MSTO1: variants seen among roughly 807,000 people sequenced by gnomAD.
MSTO1 encodes the protein protein misato homolog 1.
In MSTO1, 24 loss-of-function variants were observed where a neutral mutation model predicts 55.7. The ratio of observed to expected loss-of-function variants is 0.43; its 90% CI spans 0.31 to 0.61. The LOEUF is 0.61. Ranked by LOEUF, MSTO1 falls within the 20% of genes least tolerant of loss-of-function variation. The pLI is 0.09. For missense variants in MSTO1, 363 were observed against 625.7 expected, an observed-to-expected ratio of 0.58 and a Z score of 4.48; for synonymous variants, 162 against 252.8, an observed-to-expected ratio of 0.64 and a Z score of 3.41.
At chr1:155,585,918 G>T in the MSTO1 span, among the ~76,000 whole-genome samples, 7 of 151,776 alleles carry the variant, frequency 4.6e-5, no homozygotes, top group African/African-American at 1.7e-4. Flanking sequence ...AATAATCAAT[G>T]AAGTTTTTTG....
the MSTO1 span, among the ~76,000 whole-genome samples, chr1:155,587,529 G>T: frequency 6.7e-6 from 1 of 149,000 alleles, no homozygotes. Flanking sequence ...GGATCACGAG[G>T]TCAGGAGATC....
At chr1:155,568,698 A>C in the MSTO1 span, among the ~76,000 whole-genome samples, 2,490 of 152,128 alleles carry the variant, frequency 0.016, 35 homozygotes, top group Non-Finnish European at 0.026. Context: ...TCAGTCTCCC[A>C]AAGTGCTGGG....
the MSTO1 span, among the ~76,000 whole-genome samples, chr1:155,579,769 C>G: frequency 2.0e-5 from 3 of 152,098 alleles, no homozygotes; most frequent in Admixed American, 6.6e-5. Flanking sequence ...TGAACGAGTT[C>G]AATCCTTAGA....
the MSTO1 span, among the ~76,000 whole-genome samples, chr1:155,574,146 C>G: frequency 2.0e-5 from 3 of 151,736 alleles, no homozygotes; most frequent in African/African-American, 7.3e-5. Flanking sequence ...TCGCTTGAGC[C>G]CAGGAGTTGA....
the MSTO1 span, among the ~76,000 whole-genome samples, chr1:155,601,294 C>T: frequency 6.0e-5 from 9 of 151,260 alleles, no homozygotes; most frequent in Non-Finnish European, 1.0e-4. Context: ...CCACCACGCC[C>T]GGCTATTTTT....
the MSTO1 span, chr1:155,590,858 C>G: frequency 1.2e-6 from 2 of 1,610,560 alleles, no homozygotes; most frequent in Non-Finnish European, 1.7e-6. Flanking sequence ...GTCCAGCAAA[C>G]GGGGATTAGT....
At chr1:155,584,932 G>C in the MSTO1 span, among the ~76,000 whole-genome samples, 1 of 150,406 alleles carries the variant, frequency 6.6e-6, no homozygotes, top group African/African-American at 2.4e-5. Context: ...TTGTTTGTTT[G>C]TTTGTTTGTT....
In MSTO1 at chr1:155,614,143, C is replaced by T; in HGVS notation, c.1583C>T (p.Thr528Ile). The change falls in exon 14 of 14, where the codon ACC becomes ATC. Residue 528 changes from threonine (T) to isoleucine (I), a missense_variant. Physicochemically the swap from Thr to Ile is moderately conservative, Grantham distance 89 (BLOSUM62 -1). Transcript: ENST00000245564. ...QTLEALARDL[T>I]KLDLRRWASF... Reference sequence around the variant, plus strand: ...CTGGAAGCCTTGGCCAGAGACCTCACCAAACTCGACTTGCGGCGCTGGGCC... The same window carrying T: ...CTGGAAGCCTTGGCCAGAGACCTCATCAAACTCGACTTGCGGCGCTGGGCC... 6.8e-7 allele frequency: 1 copy of T among 1,475,144 alleles called. No homozygotes were observed. The highest frequency in any genetic ancestry group is 9.3e-7 in the Non-Finnish European group (1 of 1,074,634). The allele number at this position is 1,475,144 out of a possible 1,614,324, so 91.4% of individuals were successfully genotyped here. A position where few individuals can be genotyped will look rare whatever the true frequency, so the allele number is the denominator to read the frequency against.
At chr1:155,568,089 A>AT in the MSTO1 span, among the ~76,000 whole-genome samples, 9 of 148,032 alleles carry the variant, frequency 6.1e-5, no homozygotes, top group Non-Finnish European at 1.3e-4. Flanking sequence ...ATTTTATTTT[A>AT]TTTTTTTTGA....
At chr1:155,605,212 G>T (rs141701963), upstream of MSTO1, among the ~76,000 whole-genome samples, 3,094 of 152,290 alleles carry the variant, frequency 0.02, 105 homozygotes, top group African/African-American at 0.071. Flanking sequence ...AGTGAGCTGA[G>T]ATTGTGCCAC....
chr1:155,599,080 C>A, the MSTO1 span, among the ~76,000 whole-genome samples: 4 of 151,968 alleles, frequency 2.6e-5, no homozygotes, highest in Non-Finnish European at 5.9e-5. Flanking sequence ...AAAGCCGAGG[C>A]AGGCGGATTG....
the MSTO1 span, among the ~76,000 whole-genome samples, chr1:155,604,431 G>A: frequency 6.6e-6 from 1 of 152,154 alleles, no homozygotes; most frequent in Non-Finnish European, 1.5e-5. Flanking sequence ...AAGAGAAGTA[G>A]AAACTCCTCA....
At chr1:155,608,767 G>T (rs961567562), upstream of MSTO1, among the ~76,000 whole-genome samples, 1 of 151,888 alleles carries the variant, frequency 6.6e-6, no homozygotes, top group Non-Finnish European at 1.5e-5. Flanking sequence ...CTCCCAAAGT[G>T]CTGGGATTAC....
chr1:155,564,153 T>C, the MSTO1 span, among the ~76,000 whole-genome samples: 1 of 152,194 alleles, frequency 6.6e-6, no homozygotes, highest in African/African-American at 2.4e-5. Context: ...CCTTCACATT[T>C]GTGGACTCCT....
chr1:155,610,138 C>A (rs1202794988), upstream of MSTO1: 15 of 1,002,410 alleles, frequency 1.5e-5, no homozygotes, highest in Non-Finnish European at 2.1e-5. Context: ...GATGTGTTTG[C>A]GGGCCAATAA....
the MSTO1 span, among the ~76,000 whole-genome samples, chr1:155,587,117 G>C: frequency 6.6e-6 from 1 of 152,144 alleles, no homozygotes; most frequent in African/African-American, 2.4e-5. Flanking sequence ...AAATGCTCTG[G>C]AGAACTTTGT....
At chr1:155,571,956 C>A in the MSTO1 span, among the ~76,000 whole-genome samples, 1 of 150,944 alleles carries the variant, frequency 6.6e-6, no homozygotes, top group African/African-American at 2.4e-5. Context: ...GCAGGAGAAT[C>A]ATTTGAACCC....
chr1:155,581,004 G>A, the MSTO1 span, among the ~76,000 whole-genome samples: 1 of 151,544 alleles, frequency 6.6e-6, no homozygotes, highest in Non-Finnish European at 1.5e-5. Flanking sequence ...ACACACAATA[G>A]TGTGTAAGAA....
the MSTO1 span, chr1:155,586,744 A>C: frequency 2.2e-6 from 1 of 455,502 alleles, no homozygotes; most frequent in Admixed American, 2.6e-5. Context: ...CTTTGTGCAT[A>C]CTGCCTTTTA....
Sources: allele counts gnomAD v4.1 joint callset (sites outside exome capture counted in the v4.1 genomes callset), GRCh38; gene constraint gnomAD v4.1.1; transcripts MANE v1.5; gene names NCBI Gene and HGNC (gene_info 2026-07-23, HGNC 2026-07-21).